UBE2E2: variants seen among roughly 807,000 people sequenced by gnomAD.
UBE2E2 encodes the protein ubiquitin-conjugating enzyme E2 E2.
Under a neutral mutation model 24.7 loss-of-function variants are expected in UBE2E2, and 6 were observed. The ratio of observed to expected loss-of-function variants is 0.24; its 90% CI spans 0.13 to 0.48. UBE2E2 has a LOEUF of 0.48. Ranked by LOEUF, UBE2E2 falls within the 20% of genes least tolerant of loss-of-function variation. UBE2E2 has a pLI of 0.99. For synonymous variants in UBE2E2, 104 were observed against 83.6 expected (o/e 1.24, Z -1.33); for missense variants, 169 against 245.0 (o/e 0.69, Z 2.07).
intron 3 of UBE2E2, among the ~76,000 whole-genome samples, chr3:23,327,289 A>G (rs1029852114): frequency 5.9e-5 from 9 of 152,210 alleles, no homozygotes; most frequent in Non-Finnish European, 7.3e-5. Context: ...CAGTCCCACC[A>G]ACAGTGTAAA....
chr3:23,544,715 C>T (rs533626297), intron 5 of UBE2E2, among the ~76,000 whole-genome samples: 475 of 149,682 alleles, frequency 3.2e-3, no homozygotes, highest in South Asian at 4.9e-3. Flanking sequence ...TTAGGTGGAA[C>T]AAGAGACTTG....
At chr3:23,311,701 G>T (rs576141485) in intron 3 of UBE2E2, among the ~76,000 whole-genome samples, 7 of 152,294 alleles carry the variant, frequency 4.6e-5, no homozygotes, top group African/African-American at 1.4e-4. Flanking sequence ...GAAACAATTT[G>T]AATTTCTCTA....
intron 5 of UBE2E2, among the ~76,000 whole-genome samples, chr3:23,579,183 G>C (rs1696411656): frequency 6.6e-6 from 1 of 152,096 alleles, no homozygotes; most frequent in African/African-American, 2.4e-5. Context: ...ATGAGGTCAG[G>C]AGATCGAGAC....
At chr3:23,265,128 G>C (rs761695977) in intron 3 of UBE2E2, among the ~76,000 whole-genome samples, 1 of 152,160 alleles carries the variant, frequency 6.6e-6, no homozygotes, top group Non-Finnish European at 1.5e-5. Context: ...GAGGATTTTT[G>C]TTTAAGGAAT....
intron 4 of UBE2E2, among the ~76,000 whole-genome samples, chr3:23,528,965 A>G (rs1695061756): frequency 6.6e-6 from 1 of 152,216 alleles, no homozygotes; most frequent in African/African-American, 2.4e-5. Flanking sequence ...ACTCATCAGT[A>G]AGAAAGGAAC....
chr3:23,209,446 A>G (rs1696255598), intron 2 of UBE2E2, among the ~76,000 whole-genome samples: 1 of 152,218 alleles, frequency 6.6e-6, no homozygotes, highest in African/African-American at 2.4e-5. Flanking sequence ...ATCTCTTAAA[A>G]TGATTGGCAT....
At chr3:23,467,559 A>G (rs1042276472) in intron 3 of UBE2E2, among the ~76,000 whole-genome samples, 3 of 152,194 alleles carry the variant, frequency 2.0e-5, no homozygotes, top group Non-Finnish European at 4.4e-5. Context: ...AGATTAATGT[A>G]GGATACTATA....
intron 5 of UBE2E2, among the ~76,000 whole-genome samples, chr3:23,559,258 A>G (rs902808172): frequency 1.2e-4 from 18 of 152,152 alleles, no homozygotes; most frequent in African/African-American, 2.4e-4. Flanking sequence ...ATGGAATTCA[A>G]GTGCATTTGA....
chr3:23,309,495 C>T (rs545220387), intron 3 of UBE2E2, among the ~76,000 whole-genome samples: 3 of 152,228 alleles, frequency 2.0e-5, no homozygotes, highest in East Asian at 1.9e-4. Context: ...CAAGTTACTC[C>T]AAAGTATATT....
chr3:23,457,438 A>T (rs1163751703), intron 3 of UBE2E2, among the ~76,000 whole-genome samples: 1 of 152,222 alleles, frequency 6.6e-6, no homozygotes, highest in African/African-American at 2.4e-5. Flanking sequence ...ATCTAGACTT[A>T]AATAGCCACC....
chr3:23,331,047 T>A (rs929521670), intron 3 of UBE2E2, among the ~76,000 whole-genome samples: 4 of 152,236 alleles, frequency 2.6e-5, no homozygotes, highest in Admixed American at 2.6e-4. Context: ...CTCTTCATTT[T>A]CTTTCAACCT....
intron 4 of UBE2E2, among the ~76,000 whole-genome samples, chr3:23,532,081 A>G (rs1028252985): frequency 2.0e-5 from 3 of 151,916 alleles, no homozygotes; most frequent in South Asian, 2.1e-4. Context: ...AAAAAAGAAA[A>G]AAAAACTGTT....
intron 2 of UBE2E2, among the ~76,000 whole-genome samples, chr3:23,214,186 A>G (rs530452413): frequency 2.0e-5 from 3 of 152,322 alleles, no homozygotes; most frequent in African/African-American, 4.8e-5. Context: ...ATTGAATAAT[A>G]TAGACCTAGA....
intron 3 of UBE2E2, among the ~76,000 whole-genome samples, chr3:23,350,890 T>A (rs931275600): frequency 2.6e-5 from 4 of 151,936 alleles, no homozygotes; most frequent in East Asian, 1.9e-4. Flanking sequence ...AGAGAACGCC[T>A]CAAAGATACT....
At chr3:23,442,672 A>G (rs1698333720) in intron 3 of UBE2E2, among the ~76,000 whole-genome samples, 1 of 152,178 alleles carries the variant, frequency 6.6e-6, no homozygotes, top group South Asian at 2.1e-4. Flanking sequence ...TTAAAATCCA[A>G]AAGAAATTTT....
At chr3:23,417,778 C>T (rs1436334922) in intron 3 of UBE2E2, among the ~76,000 whole-genome samples, 2 of 152,172 alleles carry the variant, frequency 1.3e-5, no homozygotes, top group African/African-American at 4.8e-5. Context: ...TCTTGAGAGA[C>T]AGTGTGGCTA....
chr3:23,553,745 T>C (rs1277217887), intron 5 of UBE2E2, among the ~76,000 whole-genome samples: 1 of 152,196 alleles, frequency 6.6e-6, no homozygotes, highest in South Asian at 2.1e-4. Context: ...ATGGCATTTC[T>C]GTACACAAGT....
At chr3:23,405,059 C>G (rs555554374) in intron 3 of UBE2E2, among the ~76,000 whole-genome samples, 2 of 152,308 alleles carry the variant, frequency 1.3e-5, no homozygotes, top group Admixed American at 6.5e-5. Flanking sequence ...TTGACAGTTG[C>G]TGCTGCTGTA....
intron 5 of UBE2E2, among the ~76,000 whole-genome samples, chr3:23,539,046 G>A (rs999940021): frequency 1.1e-4 from 17 of 152,118 alleles, no homozygotes; most frequent in Admixed American, 6.5e-5. Context: ...TTAGATCTTG[G>A]ATTCCCTAGT....
Sources: gnomAD v4.1 joint callset for allele counts (sites outside exome capture counted in the v4.1 genomes callset) on GRCh38, gnomAD v4.1.1 for gene constraint, MANE v1.5 for transcripts, NCBI Gene and HGNC (gene_info 2026-07-23, HGNC 2026-07-21) for gene names.